UBE2E2: variants seen among roughly 807,000 people sequenced by gnomAD.
The protein encoded by UBE2E2 is ubiquitin-conjugating enzyme E2 E2.
UBE2E2 carries 6 observed loss-of-function variants against 24.7 expected under a neutral mutation model. That is an observed-to-expected ratio of 0.24 (90% confidence interval 0.13 to 0.48). The LOEUF is 0.48. Among genes scored for constraint, UBE2E2 ranks in the 20% least tolerant of loss-of-function variants. The pLI is 0.99. For synonymous variants in UBE2E2, 104 were observed against 83.6 expected (o/e 1.24, Z -1.33); for missense variants, 169 against 245.0 (o/e 0.69, Z 2.07).
intron 3 of UBE2E2, among the ~76,000 whole-genome samples, chr3:23,242,434 A>G (rs1025443087): frequency 6.5e-5 from 8 of 123,968 alleles, no homozygotes; most frequent in East Asian, 2.6e-4. Context: ...AAGCCAAAAT[A>G]TACATTGAAA....
At chr3:23,478,517 T>C (rs1470138508) in intron 3 of UBE2E2, among the ~76,000 whole-genome samples, 2 of 152,184 alleles carry the variant, frequency 1.3e-5, no homozygotes, top group Non-Finnish European at 2.9e-5. Context: ...ACAAGTTCAA[T>C]ATAAGTCAGT....
chr3:23,412,663 A>T (rs533080712), intron 3 of UBE2E2, among the ~76,000 whole-genome samples: 31 of 152,322 alleles, frequency 2.0e-4, no homozygotes, highest in African/African-American at 7.2e-4. Flanking sequence ...GAGTTCAGAA[A>T]CAACTCTTCT....
At chr3:23,547,239 C>CTGT (rs529627475) in intron 5 of UBE2E2, among the ~76,000 whole-genome samples, 9 of 152,154 alleles carry the variant, frequency 5.9e-5, no homozygotes, top group Non-Finnish European at 1.0e-4. Flanking sequence ...TTTTCTGTGT[C>CTGT]TGTTGTCCAG....
At chr3:23,294,535 C>T (rs954091545) in intron 3 of UBE2E2, among the ~76,000 whole-genome samples, 3 of 146,636 alleles carry the variant, frequency 2.0e-5, no homozygotes, top group East Asian at 2.0e-4. Context: ...GTAAGTGCAG[C>T]GTTTAGATTA....
chr3:23,505,090 GTT>G (rs1302162342), intron 4 of UBE2E2, among the ~76,000 whole-genome samples: 2 of 107,676 alleles, frequency 1.9e-5, no homozygotes, highest in Non-Finnish European at 1.9e-5. Context: ...TTTTTTTTTT[GTT>G]TTTTTTTTTG....
chr3:23,218,743 C>T (rs1696548039), intron 3 of UBE2E2, among the ~76,000 whole-genome samples: 1 of 151,892 alleles, frequency 6.6e-6, no homozygotes, highest in Non-Finnish European at 1.5e-5. Flanking sequence ...AAATGAAATC[C>T]ACATACAGTA....
At chr3:23,348,708 A>G (rs1695636015) in intron 3 of UBE2E2, among the ~76,000 whole-genome samples, 1 of 152,146 alleles carries the variant, frequency 6.6e-6, no homozygotes. Flanking sequence ...TGAGGAGGGA[A>G]TAAGTTCCCT....
At chr3:23,542,410 G>C (rs1407126161) in intron 5 of UBE2E2, among the ~76,000 whole-genome samples, 1 of 152,100 alleles carries the variant, frequency 6.6e-6, no homozygotes, top group Admixed American at 6.5e-5. Flanking sequence ...TTACTATTTG[G>C]GGGAAGTTTT....
chr3:23,517,847 A>G (rs1313801073), intron 4 of UBE2E2, among the ~76,000 whole-genome samples: 1 of 152,212 alleles, frequency 6.6e-6, no homozygotes, highest in East Asian at 1.9e-4. Flanking sequence ...GAAAATTTCA[A>G]AGATAAATGT....
intron 3 of UBE2E2, among the ~76,000 whole-genome samples, chr3:23,425,164 GA>G (rs1305739891): frequency 2.6e-5 from 4 of 152,084 alleles, no homozygotes; most frequent in African/African-American, 7.2e-5. Flanking sequence ...ATGTATCCTT[GA>G]GTAAGTCCAT....
chr3:23,223,035 T>C (rs1218182109), intron 3 of UBE2E2, among the ~76,000 whole-genome samples: 1 of 133,494 alleles, frequency 7.5e-6, no homozygotes, highest in African/African-American at 2.7e-5. Context: ...CTTTTTTTTT[T>C]TTTTTGAGTT....
At chr3:23,443,645 G>A (rs752800772) in intron 3 of UBE2E2, among the ~76,000 whole-genome samples, 11 of 152,186 alleles carry the variant, frequency 7.2e-5, no homozygotes, top group Admixed American at 2.6e-4. Flanking sequence ...ACTGCCCCCC[G>A]AGGCATGAGG....
rs1046456263 is a variant in UBE2E2 at position 23,474,907 on chromosome 3, C to T, written c.228-24701C>T. 2.0e-5 allele frequency among the ~76,000 whole-genome samples: 3 copies of T among 152,044 alleles called. No individual in the cohort carries two copies. Among genetic ancestry groups the T allele is most frequent in the African/African-American group, 7.3e-5 (3 of 41,316 alleles). On this transcript the variant is annotated intron_variant, in intron 3 of 5. Coordinates refer to ENST00000396703, the MANE Select transcript of UBE2E2 (RefSeq NM_152653.4). The surrounding 1 kb of genome is among the most constrained non-coding windows in gnomAD (Gnocchi z 4.0). ...CTAGAAACAGAAACACATTGTCTCT[C>T]CTTTAATTTTTTTATTTCTTAACCC...
chr3:23,560,725 T>C (rs369349358), intron 5 of UBE2E2, among the ~76,000 whole-genome samples: 59 of 151,942 alleles, frequency 3.9e-4, no homozygotes, highest in African/African-American at 1.2e-3. Context: ...CTCTCCAGCA[T>C]CTGTTGTTTC....
chr3:23,351,901 G>A (rs567326634), intron 3 of UBE2E2, among the ~76,000 whole-genome samples: 19 of 152,150 alleles, frequency 1.2e-4, no homozygotes, highest in African/African-American at 3.1e-4. Flanking sequence ...CATCTACAGA[G>A]CTCTCCACCC....
At chr3:23,204,775 C>T (rs1223610576) in intron 1 of UBE2E2, 15 of 981,852 alleles carry the variant, frequency 1.5e-5, no homozygotes, top group Non-Finnish European at 1.6e-5. Context: ...TTGCTGTGTG[C>T]ATATACTATA....
intron 3 of UBE2E2, among the ~76,000 whole-genome samples, chr3:23,277,524 G>A (rs1011418226): frequency 1.1e-4 from 17 of 152,084 alleles, no homozygotes; most frequent in African/African-American, 3.9e-4. Flanking sequence ...TGGGATCAAC[G>A]TAAGTATTTC....
intron 3 of UBE2E2, among the ~76,000 whole-genome samples, chr3:23,256,086 C>G (rs1697714007): frequency 6.6e-6 from 1 of 152,230 alleles, no homozygotes; most frequent in Non-Finnish European, 1.5e-5. Flanking sequence ...TCATAGACCA[C>G]TATAAAGAGA....
chr3:23,441,825 A>C (rs1401754972), intron 3 of UBE2E2, among the ~76,000 whole-genome samples: 2 of 151,502 alleles, frequency 1.3e-5, no homozygotes, highest in Non-Finnish European at 3.0e-5. Context: ...CATTTTTTTT[A>C]ATTACCAAAA....
Sources: gnomAD v4.1 joint callset for allele counts (sites outside exome capture counted in the v4.1 genomes callset) on GRCh38, gnomAD v4.1.1 for gene constraint, Gnocchi (gnomAD v3.1) non-coding constraint, MANE v1.5 for transcripts, NCBI Gene and HGNC (gene_info 2026-07-23, HGNC 2026-07-21) for gene names.